The following EPS15 variants were observed in gnomAD, a reference collection of about 807,000 sequenced individuals.
The protein encoded by EPS15 is epidermal growth factor receptor pathway substrate 15.
Under a neutral mutation model 113.8 loss-of-function variants are expected in EPS15, and 72 were observed. The observed-to-expected ratio is 0.63, with a 90% CI of 0.52 to 0.77. The LOEUF (loss-of-function observed/expected upper bound fraction) is 0.77, where lower values mean the gene tolerates loss of function less well. Ranked by LOEUF, EPS15 falls within the 30% of genes least tolerant of loss-of-function variation. The pLI, the probability that EPS15 is intolerant of heterozygous loss-of-function variation, is 0.00. For missense variants in EPS15, 1,048 were observed against 1,045.8 expected (o/e 1.00, Z -0.03); for synonymous variants, 344 against 363.4 (o/e 0.95, Z 0.61).
At position 51,519,194 on chromosome 1, in the gene EPS15, G is replaced by A; in HGVS notation, c.33+5C>T. 1 of 1,433,150 alleles carries A rather than the reference G, an allele frequency of 7.0e-7. No homozygotes were observed. Among genetic ancestry groups the A allele is most frequent in the Admixed American group, 2.5e-5 (1 of 39,272 alleles). 88.8% of individuals were successfully genotyped at this position (1,433,150 alleles called of 1,614,324 possible). On this transcript the variant is annotated splice_donor_5th_base_variant and intron_variant, in intron 1 of 24. Transcript: ENST00000371733. The stretch of plus-strand genomic sequence containing the variant: ...CAAGCCCGGCGGACGGGCGTGTGGC[G>A]TTACCTGTGTCAGAGAGAGCTGGGC...
chr1:51,408,407 A>G (rs1456423160), intron 14 of EPS15, 75 bp from the exon 15 acceptor site: 6 of 1,074,972 alleles, frequency 5.6e-6, no homozygotes, highest in Admixed American at 3.7e-5. Context: ...AAAATGCAAT[A>G]CATTTATTTG....
chr1:51,361,291 A>G lies in EPS15; in HGVS notation c.2424T>C (p.Pro808=), dbSNP rs1646380281. ...DPFKLNDPFQ[P]FPGNDSPKEK... ...CTTTGGGGCTATCGTTGCCTGGGAA[A>G]GGCTGAAATGGATCATTCAGTTTAA... Residue 808 remains proline (P), a synonymous_variant, in exon 24 of 25, where the codon CCT becomes CCC. Coordinates refer to ENST00000371733, the MANE Select transcript of EPS15 (RefSeq NM_001981.3). 1 of 1,614,010 alleles carries G rather than the reference A, an allele frequency of 6.2e-7. No homozygotes were observed. Among genetic ancestry groups the G allele is most frequent in the East Asian group, 2.2e-5 (1 of 44,876 alleles).
intron 11 of EPS15, among the ~76,000 whole-genome samples, chr1:51,442,425 C>T (rs905565271): frequency 2.0e-5 from 3 of 152,040 alleles, no homozygotes; most frequent in African/African-American, 4.8e-5. Flanking sequence ...GTAAAAATAT[C>T]ATCAAATAAG....
chr1:51,368,641 A>G (rs1029807911), intron 21 of EPS15, among the ~76,000 whole-genome samples: 1 of 144,224 alleles, frequency 6.9e-6, no homozygotes, highest in African/African-American at 2.6e-5. Context: ...TGTGTCACCC[A>G]GGCTGGAGTG....
At chr1:51,357,993 C>T (rs1309452059) in intron 24 of EPS15, among the ~76,000 whole-genome samples, 4 of 152,222 alleles carry the variant, frequency 2.6e-5, no homozygotes, top group African/African-American at 4.8e-5. Flanking sequence ...CCCATCTCGG[C>T]CTCCCAAGAA....
intron 12 of EPS15, among the ~76,000 whole-genome samples, chr1:51,431,377 G>A (rs532806024): frequency 4.6e-5 from 7 of 151,930 alleles, no homozygotes; most frequent in African/African-American, 1.7e-4. Flanking sequence ...TGGCTTATAT[G>A]ACAAAGCACA....
At chr1:51,393,257 C>T (rs1226476095) in intron 21 of EPS15, among the ~76,000 whole-genome samples, 1 of 152,192 alleles carries the variant, frequency 6.6e-6, no homozygotes, top group East Asian at 1.9e-4. Context: ...CACTCTGTTG[C>T]CCAGGCTGGC....
intron 12 of EPS15, among the ~76,000 whole-genome samples, chr1:51,435,932 T>C (rs770452823): frequency 4.6e-5 from 7 of 152,158 alleles, no homozygotes; most frequent in Non-Finnish European, 8.8e-5. Context: ...GTAAAAGGTA[T>C]GCTCCAGGCA....
At chr1:51,515,011 A>T (rs937812557) in intron 1 of EPS15, among the ~76,000 whole-genome samples, 2 of 152,198 alleles carry the variant, frequency 1.3e-5, no homozygotes, top group Non-Finnish European at 2.9e-5. Flanking sequence ...ATAATTGTTA[A>T]ACCAGACTAC....
At chr1:51,417,925 G>C (rs936055913) in intron 13 of EPS15, among the ~76,000 whole-genome samples, 3 of 152,182 alleles carry the variant, frequency 2.0e-5, no homozygotes, top group Non-Finnish European at 4.4e-5. Context: ...AATGGTGGCA[G>C]TGAGCAACAG....
rs1655015971 is a variant in EPS15, at chr1:51,468,559, C to T, written c.223G>A (p.Val75Ile). 6.2e-7 allele frequency: 1 copy of T among 1,611,432 alleles called. No homozygotes were observed. The highest frequency in any genetic ancestry group is 1.7e-5 in the Admixed American group (1 of 59,814). The change falls in exon 5 of 25, where the codon GTT becomes ATT. Residue 75 changes from valine (V) to isoleucine (I), a missense_variant. By Grantham distance (29) the Val-to-Ile change is conservative. Coordinates refer to ENST00000371733, the MANE Select transcript of EPS15 (RefSeq NM_001981.3). ...KGILNKQEFF[V>I]ALRLVACAQN... ...GCACATGCCACAAGACGCAAAGCAA[C>T]AAAGAATTCCTAAGAAAGAAAAGTA...
At chr1:51,487,572 G>A (rs1644148548) in intron 1 of EPS15, among the ~76,000 whole-genome samples, 1 of 152,058 alleles carries the variant, frequency 6.6e-6, no homozygotes, top group Non-Finnish European at 1.5e-5. Context: ...CTTTGCCAAA[G>A]ACAGCAAATT....
intron 9 of EPS15, 110 bp from the exon 10 acceptor site, chr1:51,447,215 A>C: frequency 1.1e-6 from 1 of 899,600 alleles, no homozygotes; most frequent in Admixed American, 2.9e-5. Context: ...ATTCTACCCT[A>C]CTAACTCAGA....
chr1:51,476,852 T>C (rs1303086598), intron 2 of EPS15, among the ~76,000 whole-genome samples: 1 of 152,236 alleles, frequency 6.6e-6, no homozygotes, highest in Non-Finnish European at 1.5e-5. Flanking sequence ...TGGATTCGGT[T>C]TGCCAGTATT....
intron 20 of EPS15, chr1:51,397,101 A>G (rs760526870): frequency 6.6e-6 from 1 of 152,158 alleles, no homozygotes; most frequent in Non-Finnish European, 1.5e-5. Flanking sequence ...GCTGGTTGTG[A>G]ACTACTTGCC....
chr1:51,472,823 C>A (rs1271424846), intron 3 of EPS15, 36 bp downstream of exon 3: 4 of 1,481,084 alleles, frequency 2.7e-6, no homozygotes. Flanking sequence ...ACATTCCTTA[C>A]AAACTTATAA....
At chr1:51,400,780 G>T in intron 19 of EPS15, 138 bp downstream of exon 19, 8 of 251,146 alleles carry the variant, frequency 3.2e-5, no homozygotes, top group Middle Eastern at 6.1e-4. Flanking sequence ...AAAATCAAAA[G>T]AATTTACTAC....
intron 2 of EPS15, among the ~76,000 whole-genome samples, chr1:51,480,507 T>A (rs1315432580): frequency 6.6e-6 from 1 of 152,120 alleles, no homozygotes; most frequent in Non-Finnish European, 1.5e-5. Flanking sequence ...TATTCCCATT[T>A]TTTTGTTGTT....
intron 13 of EPS15, 144 bp from the exon 14 acceptor site, chr1:51,409,840 T>C (rs1432595273): frequency 3.5e-6 from 2 of 567,860 alleles, no homozygotes; most frequent in South Asian, 2.6e-5. Flanking sequence ...CAGCTTTAAA[T>C]ACAATCTTTA....
Sources: gnomAD v4.1 joint callset for allele counts (sites outside exome capture counted in the v4.1 genomes callset) on GRCh38, gnomAD v4.1.1 for gene constraint, MANE v1.5 for transcripts, NCBI Gene and HGNC (gene_info 2026-07-23, HGNC 2026-07-21) for gene names.